SRFBP1: variants seen among roughly 807,000 people sequenced by gnomAD.
The protein encoded by SRFBP1 is serum response factor-binding protein 1.
In SRFBP1, 47 loss-of-function variants were observed where a neutral mutation model predicts 45.5. The ratio of observed to expected loss-of-function variants is 1.03; its 90% CI spans 0.82 to 1.32. The LOEUF (loss-of-function observed/expected upper bound fraction) is 1.32, where lower values mean the gene tolerates loss of function less well. SRFBP1 is among the 40% of genes most tolerant of loss of function. SRFBP1 has a pLI of 0.00. For missense variants in SRFBP1, 621 were observed against 484.6 expected, an observed-to-expected ratio of 1.28 and a Z score of -2.64; for synonymous variants, 203 against 166.3, an observed-to-expected ratio of 1.22 and a Z score of -1.70.
At chr5:122,037,865 A>G (rs1753717649) in intron 2 of SRFBP1, among the ~76,000 whole-genome samples, 3 of 152,202 alleles carry the variant, frequency 2.0e-5, no homozygotes, top group African/African-American at 7.2e-5. Flanking sequence ...GTGTTCTGGC[A>G]GAGATTGGCA....
chr5:122,075,528 C>T, exon 3 of SRFBP1: 2 of 1,605,242 alleles, frequency 1.2e-6, no homozygotes, highest in Non-Finnish European at 1.7e-6. Context: ...CTGACATCTG[C>T]CCTGTATGCT....
At chr5:122,077,801 G>A, downstream of SRFBP1, 1 of 1,549,998 alleles carries the variant, frequency 6.5e-7, no homozygotes, top group South Asian at 1.2e-5. The surrounding 1 kb of genome is among the most constrained non-coding windows in gnomAD (Gnocchi z 4.9). Flanking sequence ...CTGGTACTGT[G>A]AGCCCAGGCT....
At chr5:122,017,247 A>T (rs917736382) in intron 4 of SRFBP1, among the ~76,000 whole-genome samples, 8 of 152,088 alleles carry the variant, frequency 5.3e-5, no homozygotes, top group African/African-American at 1.4e-4. Flanking sequence ...CAAAAAAGTA[A>T]ATTTATTTTC....
At chr5:121,974,529 CTT>C (rs1249084812) in intron 2 of SRFBP1, among the ~76,000 whole-genome samples, 1 of 151,804 alleles carries the variant, frequency 6.6e-6, no homozygotes, top group Non-Finnish European at 1.5e-5. Context: ...GCAAAACTCT[CTT>C]TTGGTCTTTT....
intron 2 of SRFBP1, among the ~76,000 whole-genome samples, chr5:122,053,866 C>T (rs554694140): frequency 2.0e-5 from 3 of 152,234 alleles, no homozygotes; most frequent in Admixed American, 6.5e-5. Flanking sequence ...CAAGTGTTTC[C>T]TGGTACATCA....
rs184386674 is a variant in SRFBP1 at position 122,020,773 on chromosome 5, C to T, written c.1038C>T (p.His346=). Residue 346 remains histidine, a synonymous_variant, in exon 6 of 8, where the codon CAC becomes CAT. Transcript: ENST00000339397. ...ETRKLESVFF[H]SLSGSKSSRR... Reference sequence around the variant, plus strand: ...GAAAGTTAGAATCAGTGTTTTTCCACTCTTTATCTGGATCTAAAAGCTCTA... The same window carrying T: ...GAAAGTTAGAATCAGTGTTTTTCCATTCTTTATCTGGATCTAAAAGCTCTA... 2.1e-3 allele frequency: 3,387 copies of T among 1,584,514 alleles called. 7 individuals carry two copies. Among genetic ancestry groups the T allele is most frequent in the Non-Finnish European group, 2.7e-3 (3,117 of 1,169,850 alleles).
At chr5:122,042,684 T>A (rs1753790814) in intron 2 of SRFBP1, among the ~76,000 whole-genome samples, 1 of 152,206 alleles carries the variant, frequency 6.6e-6, no homozygotes, top group Non-Finnish European at 1.5e-5. Context: ...ATGTATTTTT[T>A]CTTTGTGTGC....
At chr5:122,066,782 T>C (rs1447015615) in intron 2 of SRFBP1, 1 of 1,398,798 alleles carries the variant, frequency 7.1e-7, no homozygotes, top group Admixed American at 1.7e-5. Context: ...GACAAATTAT[T>C]AACCTGATAA....
chr5:122,074,826 G>A (rs936358412), intron 2 of SRFBP1, among the ~76,000 whole-genome samples: 1 of 152,194 alleles, frequency 6.6e-6, no homozygotes, highest in African/African-American at 2.4e-5. Context: ...CAGGAAGTAA[G>A]TTTAAGGCCA....
intron 4 of SRFBP1, among the ~76,000 whole-genome samples, chr5:122,004,460 C>G (rs899705463): frequency 2.6e-5 from 4 of 152,048 alleles, no homozygotes; most frequent in Admixed American, 6.5e-5. Flanking sequence ...TTTCAGGTGT[C>G]TCTATTCTGT....
At chr5:122,018,689 C>T (rs1041582419) in intron 4 of SRFBP1, among the ~76,000 whole-genome samples, 1 of 152,004 alleles carries the variant, frequency 6.6e-6, no homozygotes, top group African/African-American at 2.4e-5. Context: ...AGTCATTAGC[C>T]GGCATTATGA....
At chr5:122,003,257 A>G (rs1188089291) in intron 4 of SRFBP1, among the ~76,000 whole-genome samples, 1 of 151,904 alleles carries the variant, frequency 6.6e-6, no homozygotes, top group African/African-American at 2.4e-5. Context: ...CACTGGGAGA[A>G]CCACATGAGC....
At chr5:122,044,791 T>TCTCC (rs1753829595) in intron 2 of SRFBP1, among the ~76,000 whole-genome samples, 1 of 152,152 alleles carries the variant, frequency 6.6e-6, no homozygotes, top group South Asian at 2.1e-4. Context: ...TTAAATATTT[T>TCTCC]CTCCCATTCC....
intron 2 of SRFBP1, among the ~76,000 whole-genome samples, chr5:122,062,096 A>T (rs1347345358): frequency 6.6e-6 from 1 of 152,006 alleles, no homozygotes; most frequent in Admixed American, 6.6e-5. Flanking sequence ...AGGATTTCTC[A>T]GACACTTATA....
intron 2 of SRFBP1, chr5:122,065,458 T>C (rs1016460853): frequency 7.9e-5 from 12 of 152,086 alleles, no homozygotes; most frequent in African/African-American, 2.9e-4. Flanking sequence ...CAAAATTCTA[T>C]TATGGCACAT....
intron 2 of SRFBP1, among the ~76,000 whole-genome samples, chr5:122,059,100 A>AGTAT (rs1330015256): frequency 1.3e-5 from 2 of 152,162 alleles, no homozygotes; most frequent in African/African-American, 4.8e-5. Context: ...AGAAAAGAAG[A>AGTAT]GTATGTCGTT....
intron 4 of SRFBP1, among the ~76,000 whole-genome samples, chr5:122,008,089 C>A (rs1753014998): frequency 6.6e-6 from 1 of 152,098 alleles, no homozygotes; most frequent in South Asian, 2.1e-4. Flanking sequence ...TATCCTGGAG[C>A]CTGGGACCTG....
At chr5:121,988,502 C>T (rs1311039658) in intron 3 of SRFBP1, among the ~76,000 whole-genome samples, 2 of 152,196 alleles carry the variant, frequency 1.3e-5, no homozygotes, top group African/African-American at 4.8e-5. Context: ...GGTGGCATCT[C>T]TCAGTGGAGT....
intron 2 of SRFBP1, among the ~76,000 whole-genome samples, chr5:122,051,825 T>C (rs752732373): frequency 6.6e-6 from 1 of 152,166 alleles, no homozygotes. Context: ...TGCAGACTTT[T>C]TGTGTGGTTG....
Sources: allele counts gnomAD v4.1 joint callset (sites outside exome capture counted in the v4.1 genomes callset), GRCh38; gene constraint gnomAD v4.1.1; non-coding constraint Gnocchi (gnomAD v3.1); transcripts MANE v1.5; gene names NCBI Gene and HGNC (gene_info 2026-07-23, HGNC 2026-07-21).